CFAP20DC: variants seen among roughly 807,000 people sequenced by gnomAD.
CFAP20DC encodes protein CFAP20DC.
In CFAP20DC, 84 loss-of-function variants were observed where a neutral mutation model predicts 101.7. That is an observed-to-expected ratio of 0.83 (90% CI 0.69 to 0.99). The LOEUF is 0.99. Among genes scored for constraint, CFAP20DC ranks in the 50% least tolerant of loss-of-function variants. CFAP20DC has a pLI of 0.00. For synonymous variants in CFAP20DC, 359 were observed against 351.2 expected (o/e 1.02, Z -0.25); for missense variants, 1,007 against 970.3 (o/e 1.04, Z -0.50).
intron 7 of CFAP20DC, among the ~76,000 whole-genome samples, chr3:58,878,851 A>G (rs1406693573): frequency 6.6e-6 from 1 of 152,106 alleles, no homozygotes; most frequent in Non-Finnish European, 1.5e-5. Flanking sequence ...TACTAAAAAT[A>G]CAAAAAATTA....
At chr3:58,916,261 G>GCC (rs2084698246) in intron 5 of CFAP20DC, among the ~76,000 whole-genome samples, 1 of 152,052 alleles carries the variant, frequency 6.6e-6, no homozygotes, top group Admixed American at 6.6e-5. Flanking sequence ...GCATGGACAT[G>GCC]ACATGCTGGG....
intron 4 of CFAP20DC, among the ~76,000 whole-genome samples, chr3:58,969,084 A>T (rs1164912293): frequency 6.6e-6 from 1 of 152,158 alleles, no homozygotes; most frequent in Non-Finnish European, 1.5e-5. Context: ...TTTTTGTACC[A>T]GTACCATGCG....
At chr3:58,979,895 C>A (rs1222398541) in intron 4 of CFAP20DC, among the ~76,000 whole-genome samples, 2 of 151,426 alleles carry the variant, frequency 1.3e-5, no homozygotes, top group African/African-American at 2.4e-5. Flanking sequence ...AAAATCATAT[C>A]CTGGACAGCA....
At chr3:58,836,061 C>A (rs780747705) in intron 13 of CFAP20DC, among the ~76,000 whole-genome samples, 7 of 152,142 alleles carry the variant, frequency 4.6e-5, no homozygotes, top group Non-Finnish European at 5.9e-5. Flanking sequence ...TGCTCAGATT[C>A]GCAGGCCAGT....
chr3:58,994,746 A>G (rs2093056224), intron 4 of CFAP20DC, among the ~76,000 whole-genome samples: 2 of 152,130 alleles, frequency 1.3e-5, no homozygotes, highest in Admixed American at 1.3e-4. Context: ...CAAACATGCA[A>G]TTAGCAGGAA....
intron 7 of CFAP20DC, among the ~76,000 whole-genome samples, chr3:58,878,842 A>G (rs2080988459): frequency 6.6e-6 from 1 of 152,098 alleles, no homozygotes; most frequent in Non-Finnish European, 1.5e-5. Flanking sequence ...CTCCATCTCT[A>G]CTAAAAATAC....
chr3:58,813,022 T>G (rs1270634064), intron 14 of CFAP20DC, among the ~76,000 whole-genome samples: 1 of 151,810 alleles, frequency 6.6e-6, no homozygotes, highest in Non-Finnish European at 1.5e-5. Context: ...GAAAATACAT[T>G]TAGTCTCAGT....
At chr3:58,930,240 G>A (rs2086454869) in intron 5 of CFAP20DC, among the ~76,000 whole-genome samples, 1 of 152,152 alleles carries the variant, frequency 6.6e-6, no homozygotes, top group South Asian at 2.1e-4. Flanking sequence ...CTGCTCCCCC[G>A]ACTGCCCCCA....
intron 16 of CFAP20DC, among the ~76,000 whole-genome samples, chr3:58,747,605 G>T (rs1248054071): frequency 1.3e-5 from 2 of 152,066 alleles, no homozygotes; most frequent in African/African-American, 2.4e-5. Flanking sequence ...TAGATCTTGA[G>T]AACTGATTGA....
At chr3:58,754,875 A>C (rs867705189) in intron 15 of CFAP20DC, among the ~76,000 whole-genome samples, 39 of 152,186 alleles carry the variant, frequency 2.6e-4, no homozygotes, top group African/African-American at 8.7e-4. Context: ...GTTGAGTGTT[A>C]GGATTAAACA....
chr3:58,974,993 C>G (rs960580044), intron 4 of CFAP20DC, among the ~76,000 whole-genome samples: 1 of 152,242 alleles, frequency 6.6e-6, no homozygotes, highest in Non-Finnish European at 1.5e-5. Flanking sequence ...GAACCTGGTG[C>G]CTTCCCTACT....
At chr3:58,794,181 T>C in intron 15 of CFAP20DC, 1 of 325,734 alleles carries the variant, frequency 3.1e-6, no homozygotes, top group South Asian at 2.5e-5. Context: ...GTTGTTTACC[T>C]CAAAATGTGG....
chr3:58,905,114 A>G (rs1467674057), intron 6 of CFAP20DC, among the ~76,000 whole-genome samples: 2 of 152,162 alleles, frequency 1.3e-5, no homozygotes, highest in African/African-American at 2.4e-5. Context: ...CAGAATACAC[A>G]GAACACAGAG....
intron 4 of CFAP20DC, among the ~76,000 whole-genome samples, chr3:59,023,945 A>C (rs1170854531): frequency 6.6e-6 from 1 of 152,084 alleles, no homozygotes; most frequent in Non-Finnish European, 1.5e-5. Context: ...TCATCCCAAA[A>C]TGTACATAAG....
chr3:58,812,498 T>C lies in CFAP20DC; in HGVS notation c.2176-6042A>G, dbSNP rs192270329. Among the ~76,000 whole-genome samples, 54 of 149,852 alleles carry C rather than the reference T, an allele frequency of 3.6e-4. 3 individuals carry two copies. Among genetic ancestry groups the C allele is most frequent in the African/African-American group, 1.3e-3 (52 of 40,316 alleles). On this transcript the variant is annotated intron_variant, in intron 14 of 16. Transcript: ENST00000482387. ...CATATTCTCAGTCATAGGTGGGAAA[T>C]GAACAATGAGAACACATGGACACAG...
chr3:58,819,130 G>A (rs554649593), intron 14 of CFAP20DC, among the ~76,000 whole-genome samples: 95 of 145,356 alleles, frequency 6.5e-4, no homozygotes, highest in African/African-American at 2.0e-3. Context: ...TCTCTGGGAC[G>A]CATTCAAAGC....
intron 15 of CFAP20DC, chr3:58,794,079 C>T (rs1020796290): frequency 4.6e-5 from 10 of 215,948 alleles, no homozygotes; most frequent in African/African-American, 9.1e-5. Flanking sequence ...ATCTACAAAT[C>T]GCCATTTGGT....
At position 58,862,615 on chromosome 3, in the gene CFAP20DC, G is replaced by T. The variant is rs959860744; in HGVS notation, c.1593+943C>A. ...ACTATATTCTCAACTGCCTCCGAAG[G>T]TTGGTGCTATGGACTTAATCTGTGC... On this transcript the variant is annotated intron_variant, in intron 12 of 16. Coordinates refer to ENST00000482387, the MANE Select transcript of CFAP20DC (RefSeq NM_001394063.1). 1.0e-5 allele frequency: 10 copies of T among 985,410 alleles called. No homozygotes were observed. The South Asian group carries it at 3.8e-4, about 37-fold the overall frequency. The allele number at this position is 985,410 out of a possible 1,614,324, so 61.0% of individuals were successfully genotyped here. A position where few individuals can be genotyped will look rare whatever the true frequency, so the allele number is the denominator to read the frequency against.
At chr3:58,981,122 T>G (rs181997937) in intron 4 of CFAP20DC, among the ~76,000 whole-genome samples, 117 of 152,148 alleles carry the variant, frequency 7.7e-4, no homozygotes, top group Middle Eastern at 3.4e-3. Flanking sequence ...TCAAAGAGAA[T>G]AAAACACCTA....
Sources: gnomAD v4.1 joint callset for allele counts (sites outside exome capture counted in the v4.1 genomes callset) on GRCh38, gnomAD v4.1.1 for gene constraint, MANE v1.5 for transcripts, NCBI Gene and HGNC (gene_info 2026-07-23, HGNC 2026-07-21) for gene names.